SEC16A: variants seen among roughly 807,000 people sequenced by gnomAD.
The protein encoded by SEC16A is SEC16 homolog A, endoplasmic reticulum export factor.
Under a neutral mutation model 221.9 loss-of-function variants are expected in SEC16A, and 110 were observed. The observed-to-expected ratio is 0.50, with a 90% CI of 0.42 to 0.58. The LOEUF (loss-of-function observed/expected upper bound fraction) is 0.58. SEC16A is among the 20% of genes least tolerant of loss of function. SEC16A has a pLI of 0.00. For synonymous variants in SEC16A, 1,393 were observed against 1,257.7 expected (o/e 1.11, Z -2.28); for missense variants, 3,165 against 3,097.8 (o/e 1.02, Z -0.52).
chr9:136,447,283 A>G lies in SEC16A; in HGVS notation c.6641T>C (p.Phe2214Ser), dbSNP rs904066115. The change falls in exon 27 of 32, where the codon TTT becomes TCT. Residue 2214 changes from phenylalanine to serine, a missense_variant. Physicochemically the swap from Phe to Ser is radical, Grantham distance 155 (BLOSUM62 -2). Coordinates refer to ENST00000684901, the MANE Select transcript of SEC16A (RefSeq NM_014866.2). This position sits in a 1 kb window ranked among gnomAD's most constrained non-coding sequence, Gnocchi z 5.5. ...RSEPALAPADFVAPLAPLPIP... is the reference protein window; with the variant it reads ...RSEPALAPADSVAPLAPLPIP... ...TGGGAGTGGCGCGAGTGGAGCGACA[A>G]AGTCCGCAGGAGCGAGAGCCGGCTC... 2 of 1,598,982 alleles carry G rather than the reference A, an allele frequency of 1.3e-6. No individual in the cohort carries two copies. The highest frequency in any genetic ancestry group is 1.7e-6 in the Non-Finnish European group (2 of 1,173,248).
chr9:136,469,467 A>C (rs1202161346), intron 4 of SEC16A, among the ~76,000 whole-genome samples: 1 of 152,244 alleles, frequency 6.6e-6, no homozygotes, highest in Non-Finnish European at 1.5e-5. Flanking sequence ...TTGAAAGGCC[A>C]GCCTGGTAAA....
intron 4 of SEC16A, 48 bp downstream of exon 4, chr9:136,471,927 A>G: frequency 6.3e-7 from 1 of 1,597,432 alleles, no homozygotes; most frequent in Non-Finnish European, 8.5e-7. Context: ...CAACACAGAC[A>G]TGGGTCTGAG....
rs529633538 is a variant in SEC16A at position 136,474,560 on chromosome 9, G to C, written c.3056C>G (p.Ser1019Cys). ...GGGATGACTGGCAACACTTTGCTGAGAAGCGAGGCTGTCAGAATGGGACGG... is the reference window on the plus strand; with the variant it reads ...GGGATGACTGGCAACACTTTGCTGACAAGCGAGGCTGTCAGAATGGGACGG... ...YNPSHSDSLA[S>C]QQSVASHPRQ... Residue 1019 changes from serine (S) to cysteine (C), a missense_variant, in exon 3 of 32, where the codon TCT becomes TGT. Ser to Cys is a moderately radical substitution (Grantham distance 112). Coordinates refer to ENST00000684901, the MANE Select transcript of SEC16A (RefSeq NM_014866.2). 4.8e-4 allele frequency: 778 copies of C among 1,612,906 alleles called. 9 individuals carry two copies. In the South Asian group the frequency reaches 8.0e-3, roughly 17 times the overall value.
Position 136,475,964 on chromosome 9 carries a change from A to G in SEC16A, c.1652T>C (p.Val551Ala), listed in dbSNP as rs1397076929. The change falls in exon 3 of 32, where the codon GTT becomes GCT. Residue 551 changes from valine to alanine, a missense_variant. Transcript: ENST00000684901. The surrounding 1 kb of genome is among the most constrained non-coding windows in gnomAD (Gnocchi z 5.0). ...ELVGTFIQQE[V>A]GKPEDEASGS... ...TGAAGCTTCATCCTCGGGTTTTCCA[A>G]CTTCTTGCTGAATGAATGTGCCAAC... The G allele has an allele frequency of 5.6e-6, 9 of 1,613,422 alleles. No individual in the cohort carries two copies. In the South Asian group the frequency reaches 9.9e-5, roughly 18 times the overall value.
chr9:136,474,903 T>C lies in SEC16A; in HGVS notation c.2713A>G (p.Ser905Gly). ...SLSLPSSVAQ[S>G]NFPQGSGASE... ...GCACCAGAACCTTGTGGAAAATTAC[T>C]TTGGGCAACACTGCTAGGCAGAGAC... Residue 905 changes from serine to glycine, a missense_variant, in exon 3 of 32, where the codon AGT (serine) becomes GGT (glycine). Around this residue, in one of 3 missense-constraint regions of SEC16A, gnomAD observed 2,030 missense variants for 1,923.1 expected, o/e 1.06. Transcript: ENST00000684901. The C allele has an allele frequency of 1.9e-6, 3 of 1,613,856 alleles. No homozygotes were observed. The highest frequency in any genetic ancestry group is 2.5e-6 in the Non-Finnish European group (3 of 1,179,866).
Position 136,454,004 on chromosome 9 carries a change from G to T in SEC16A, c.6076+105C>A, listed in dbSNP as rs962488344. ...TCTGGTCTACGTTAAGACAAGTAAT[G>T]TAAGTTGTTTCAAGCTCAAATAACT... On this transcript the variant is annotated intron_variant, in intron 21 of 31. Coordinates refer to ENST00000684901, the MANE Select transcript of SEC16A (RefSeq NM_014866.2). 3.9e-5 allele frequency: 42 copies of T among 1,071,046 alleles called. 1 individual carries two copies. The South Asian group carries it at 5.6e-4, about 14-fold the overall frequency. 66.3% of individuals were successfully genotyped at this position (1,071,046 alleles called of 1,614,324 possible). A position where few individuals can be genotyped will look rare whatever the true frequency, so the allele number is the denominator to read the frequency against.
At chr9:136,457,396 T>A in intron 18 of SEC16A, 48 bp downstream of exon 18, 1 of 1,553,082 alleles carries the variant, frequency 6.4e-7, no homozygotes, top group Non-Finnish European at 8.7e-7. Flanking sequence ...AAGCCCTCCT[T>A]CCCTGCAGTC....
At position 136,475,917 on chromosome 9, in the gene SEC16A, C is replaced by A; in HGVS notation, c.1699G>T (p.Asp567Tyr). ...GTTTCACCTCCTACGGGAGAAGAAT[C>A]GATTTGCTTAAAAAAACTACCTGAA... is the stretch of plus-strand genomic sequence containing the variant. ...EASGSFFKQI[D>Y]SSPVGGETDE... Residue 567 changes from aspartate (D) to tyrosine (Y), a missense_variant, in exon 3 of 32, where the codon GAT becomes TAT. Asp to Tyr is a radical substitution (Grantham distance 160, BLOSUM62 -3). Coordinates refer to ENST00000684901, the MANE Select transcript of SEC16A (RefSeq NM_014866.2). The surrounding 1 kb of genome is among the most constrained non-coding windows in gnomAD (Gnocchi z 5.0). 1 of 1,612,800 alleles carries A rather than the reference C, an allele frequency of 6.2e-7. No homozygotes were observed. Among genetic ancestry groups the A allele is most frequent in the Non-Finnish European group, 8.5e-7 (1 of 1,179,418 alleles).
At chr9:136,445,206 G>C (rs914322968) in intron 29 of SEC16A, 95 bp from the exon 30 acceptor site, 2 of 1,052,788 alleles carry the variant, frequency 1.9e-6, no homozygotes, top group South Asian at 1.4e-5. Flanking sequence ...CAAAAGCTTT[G>C]TGATGCCATT....
intron 4 of SEC16A, among the ~76,000 whole-genome samples, chr9:136,470,576 T>A (rs892295036): frequency 6.6e-6 from 1 of 152,148 alleles, no homozygotes; most frequent in African/African-American, 2.4e-5. Context: ...TCCTGGGAAT[T>A]TTCTCACAAT....
chr9:136,464,434 C>T lies in SEC16A; in HGVS notation c.4432G>A (p.Val1478Ile). The change falls in exon 9 of 32, where the codon GTC becomes ATC. Residue 1478 changes from valine to isoleucine, a missense_variant. Physicochemically the swap from Val to Ile is conservative, Grantham distance 29. Transcript: ENST00000684901. ...TGTGCCATTACCTCCATGCTGTGGA[C>T]CTCCACCAAGGCCGGCTGTCCTTCT... Reference protein sequence around the residue: ...PSEGQPALVEVHSMEALLQHT... With the variant: ...PSEGQPALVEIHSMEALLQHT... 2 of 1,610,946 alleles carry T rather than the reference C, an allele frequency of 1.2e-6. No individual in the cohort carries two copies. Among genetic ancestry groups the T allele is most frequent in the East Asian group, 2.2e-5 (1 of 44,826 alleles).
At chr9:136,478,010 C>A (rs767946511) in intron 2 of SEC16A, among the ~76,000 whole-genome samples, 1 of 152,164 alleles carries the variant, frequency 6.6e-6, no homozygotes, top group African/African-American at 2.4e-5. Context: ...AGGGACAGTG[C>A]GGAACCTGAC....
rs1839171193 is a variant in SEC16A, at chr9:136,459,441, T to C, written c.5303+3A>G. 2 of 1,594,816 alleles carry C rather than the reference T, an allele frequency of 1.3e-6. No individual in the cohort carries two copies. Among genetic ancestry groups the C allele is most frequent in the Non-Finnish European group, 1.7e-6 (2 of 1,168,812 alleles). On this transcript the variant is annotated splice_donor_region_variant and intron_variant, in intron 16 of 31. Transcript: ENST00000684901. The surrounding 1 kb of genome is among the most constrained non-coding windows in gnomAD (Gnocchi z 6.1). ...ACAGGACTACACTGACTTGGTTCTT[T>C]ACCTGTGATTGGATCCGATTAAGAC... is the stretch of plus-strand genomic sequence containing the variant.
intron 18 of SEC16A, among the ~76,000 whole-genome samples, chr9:136,456,377 G>C (rs545159872): frequency 6.6e-6 from 1 of 152,194 alleles, no homozygotes; most frequent in Non-Finnish European, 1.5e-5. Flanking sequence ...CTTGGCCCAC[G>C]GGCACTGGGT....
In SEC16A at chr9:136,463,091, G is replaced by A; in HGVS notation, c.4689C>T (p.Asp1563=). The A allele has an allele frequency of 6.2e-7, 1 of 1,612,128 alleles. No individual in the cohort carries two copies. The highest frequency in any genetic ancestry group is 8.5e-7 in the Non-Finnish European group (1 of 1,179,888). ...TCCCAGGAAGCCACACTGTTCTGTG[G>A]TCTCGTAACAGAAGCTCCGCAATGT... ...GTDIAELLLR[D]HRTVWLPGKS... The change falls in exon 12 of 32, where the codon GAC becomes GAT. Residue 1563 remains aspartate (D), a synonymous_variant. Coordinates refer to ENST00000684901, the MANE Select transcript of SEC16A (RefSeq NM_014866.2).
intron 1 of SEC16A, among the ~76,000 whole-genome samples, chr9:136,481,302 AT>A (rs369424175): frequency 6.6e-6 from 1 of 150,458 alleles, no homozygotes; most frequent in Non-Finnish European, 1.5e-5. Context: ...CGCCCGGCTA[AT>A]TTTTTTTTGT....
At chr9:136,464,632 T>C in intron 8 of SEC16A, 70 bp from the exon 9 acceptor site, 2 of 1,382,854 alleles carry the variant, frequency 1.4e-6, no homozygotes, top group South Asian at 1.3e-5. Flanking sequence ...AGATTTTCAA[T>C]GTGCTCACAC....
intron 12 of SEC16A, among the ~76,000 whole-genome samples, chr9:136,461,944 A>C (rs1201297070): frequency 2.7e-5 from 4 of 146,780 alleles, no homozygotes; most frequent in Non-Finnish European, 4.5e-5. Flanking sequence ...CGTCTCTACA[A>C]AAAAAAAAAA....
Position 136,456,101 on chromosome 9 carries a change from G to A in SEC16A, c.5616C>T (p.Ala1872=), listed in dbSNP as rs558775701. 19 of 1,612,956 alleles carry A rather than the reference G, an allele frequency of 1.2e-5. No individual in the cohort carries two copies. The East Asian group carries it at 1.8e-4, about 15-fold the overall frequency. Residue 1872 remains alanine (A), a synonymous_variant, in exon 19 of 32, where the codon GCC becomes GCT. Transcript: ENST00000684901. Reference sequence around the variant, plus strand: ...GCAGGTGAACCAGCCACGTGGGTGCGGCCAAGGACTCCTCTTCTGGCTTCT... The same window carrying A: ...GCAGGTGAACCAGCCACGTGGGTGCAGCCAAGGACTCCTCTTCTGGCTTCT... The part of the protein sequence containing the change: ...LKEKPEEESL[A]APTWLVHLQQ...
Sources: gnomAD v4.1 joint callset for allele counts (sites outside exome capture counted in the v4.1 genomes callset) on GRCh38, gnomAD v4.1.1 for gene constraint, gnomAD v4.1.1 regional missense constraint, Gnocchi (gnomAD v3.1) non-coding constraint, MANE v1.5 for transcripts, NCBI Gene and HGNC (gene_info 2026-07-23, HGNC 2026-07-21) for gene names.